FOXO1: variants seen among roughly 807,000 people sequenced by gnomAD.
FOXO1 encodes the protein forkhead box protein O1.
FOXO1 carries 6 observed loss-of-function variants against 44.1 expected under a neutral mutation model. That is an observed-to-expected ratio of 0.14 (90% confidence interval 0.07 to 0.27). The LOEUF is 0.27. FOXO1 is among the 10% of genes least tolerant of loss of function. FOXO1 has a pLI of 1.00. For synonymous variants in FOXO1, 380 were observed against 362.7 expected (o/e 1.05, Z -0.54); for missense variants, 737 against 888.8 (o/e 0.83, Z 2.17).
intron 1 of FOXO1, among the ~76,000 whole-genome samples, chr13:40,613,561 T>C (rs1876311341): frequency 6.6e-6 from 1 of 152,196 alleles, no homozygotes; most frequent in Admixed American, 6.5e-5. Context: ...ATCTAGATGG[T>C]AGTTTCTCTG....
At chr13:40,623,926 A>C (rs545879224) in intron 1 of FOXO1, among the ~76,000 whole-genome samples, 4 of 138,688 alleles carry the variant, frequency 2.9e-5, no homozygotes, top group African/African-American at 1.1e-4. Context: ...TCTCTTAAAA[A>C]AAAAAAAAAA....
rs138884600 is a variant in FOXO1, at chr13:40,557,601, G to A, written c.*1448C>T. 3 of 152,316 alleles carry A rather than the reference G, an allele frequency of 2.0e-5. No homozygotes were observed. Among genetic ancestry groups the A allele is most frequent in the African/African-American group, 7.2e-5 (3 of 41,560 alleles). The allele number at this position is 152,316 out of a possible 1,614,324, so 9.4% of individuals were successfully genotyped here. A position where few individuals can be genotyped will look rare whatever the true frequency, so the allele number is the denominator to read the frequency against. On this transcript the variant is annotated 3_prime_UTR_variant, in exon 3 of 3. Coordinates refer to ENST00000379561, the MANE Select transcript of FOXO1 (RefSeq NM_002015.4). ...CCTTCCACTTAAACTTCCACAGTGT[G>A]CTAAGTAATCTAATCTGCAGGGCAG...
intron 1 of FOXO1, among the ~76,000 whole-genome samples, chr13:40,623,269 T>C (rs1287961372): frequency 6.6e-6 from 1 of 152,212 alleles, no homozygotes; most frequent in Non-Finnish European, 1.5e-5. Flanking sequence ...ACACAGGCTT[T>C]TTTTTTCCAA....
At chr13:40,635,852 A>AC (rs1309162674) in intron 1 of FOXO1, among the ~76,000 whole-genome samples, 1 of 152,142 alleles carries the variant, frequency 6.6e-6, no homozygotes, top group Admixed American at 6.5e-5. Context: ...GCTGTACTCT[A>AC]CCTGCTGCCC....
intron 1 of FOXO1, among the ~76,000 whole-genome samples, chr13:40,585,778 A>C: frequency 6.6e-6 from 1 of 152,148 alleles, no homozygotes; most frequent in Non-Finnish European, 1.5e-5. Flanking sequence ...ACAAAAGCTA[A>C]ACGACAAGAT....
chr13:40,602,271 G>A (rs1321587705), intron 1 of FOXO1, among the ~76,000 whole-genome samples: 1 of 152,236 alleles, frequency 6.6e-6, no homozygotes, highest in East Asian at 1.9e-4. Context: ...ATCTAAACAT[G>A]TTCTATGGCA....
rs186400403 is a variant in FOXO1 at position 40,620,353 on chromosome 13, G to A, written c.630+45230C>T. 1,559 of 737,644 alleles carry A rather than the reference G, an allele frequency of 2.1e-3. 5 individuals are homozygous for A. Among genetic ancestry groups the A allele is most frequent in the Middle Eastern group, 0.019 (79 of 4,060 alleles). 45.7% of individuals were successfully genotyped at this position (737,644 alleles called of 1,614,324 possible). On this transcript the variant is annotated intron_variant, in intron 1 of 2. Transcript: ENST00000379561. Reference sequence around the variant, plus strand: ...CAAAGCAATAGTGGGGGCTTCTGCCGAATCATTTCTCGTTTAGAGCGGTCA... The same window carrying A: ...CAAAGCAATAGTGGGGGCTTCTGCCAAATCATTTCTCGTTTAGAGCGGTCA...
At chr13:40,645,459 C>T (rs138727744) in intron 1 of FOXO1, among the ~76,000 whole-genome samples, 1 of 152,256 alleles carries the variant, frequency 6.6e-6, no homozygotes, top group African/African-American at 2.4e-5. Flanking sequence ...ATCATGTTCA[C>T]GCCCAGGGTG....
chr13:40,581,893 C>T (rs1402478337), intron 1 of FOXO1, among the ~76,000 whole-genome samples: 1 of 152,200 alleles, frequency 6.6e-6, no homozygotes, highest in Non-Finnish European at 1.5e-5. Context: ...TGGACCCCAT[C>T]TATCAGCACA....
Position 40,577,445 on chromosome 13 carries a change from T to A in FOXO1, c.631-16585A>T, listed in dbSNP as rs574514308. Among the ~76,000 whole-genome samples the A allele has an allele frequency of 1.2e-3, 182 of 152,284 alleles. 2 individuals carry two copies. Among genetic ancestry groups the A allele is most frequent in the Non-Finnish European group, 1.3e-4 (9 of 68,024 alleles). ...TAAGACAGGGTCTAAAACTCACAGT[T>A]ACTAGCAAACAAAGAAACCTTAGCA... On this transcript the variant is annotated intron_variant, in intron 1 of 2. Transcript: ENST00000379561.
Position 40,665,836 on chromosome 13 carries a change from G to C in FOXO1, c.377C>G (p.Pro126Arg). Residue 126 changes from proline (P) to arginine (R), a missense_variant, in exon 1 of 3, where the codon CCG (proline) becomes CGG (arginine). Physicochemically the swap from Pro to Arg is moderately radical, Grantham distance 103. Transcript: ENST00000379561. ...GTGCTGCGACAGCGGCCCGGGCGGCGGGGGCTGCGGTGGCGCTGGGTGCAG... is the reference window on the plus strand; with the variant it reads ...GTGCTGCGACAGCGGCCCGGGCGGCCGGGGCTGCGGTGGCGCTGGGTGCAG... ...GCLHPAPPQPPPPGPLSQHPP... is the reference protein window; with the variant it reads ...GCLHPAPPQPRPPGPLSQHPP... The C allele has an allele frequency of 8.7e-7, 1 of 1,148,736 alleles. No homozygotes were observed. The highest frequency in any genetic ancestry group is 1.1e-6 in the Non-Finnish European group (1 of 934,174). 71.2% of individuals were successfully genotyped at this position (1,148,736 alleles called of 1,614,324 possible).
At chr13:40,625,789 G>C (rs908931633) in intron 1 of FOXO1, among the ~76,000 whole-genome samples, 7 of 152,110 alleles carry the variant, frequency 4.6e-5, no homozygotes, top group African/African-American at 1.4e-4. Context: ...CATATGATAG[G>C]TAATGACTTT....
chr13:40,654,701 C>T (rs1424687771), intron 1 of FOXO1, among the ~76,000 whole-genome samples: 4 of 152,042 alleles, frequency 2.6e-5, no homozygotes, highest in African/African-American at 9.7e-5. Context: ...TACAGTGGGG[C>T]TTACTGGAGA....
Position 40,559,660 on chromosome 13 carries a change from C to T in FOXO1, c.1831G>A (p.Asp611Asn), listed in dbSNP as rs1289593375. 6.2e-7 allele frequency: 1 copy of T among 1,614,226 alleles called. No homozygotes were observed. Among genetic ancestry groups the T allele is most frequent in the South Asian group, 1.1e-5 (1 of 91,076 alleles). The change falls in exon 2 of 3, where the codon GAC (aspartate) becomes AAC (asparagine). Residue 611 changes from aspartate to asparagine, a missense_variant. Physicochemically the swap from Asp to Asn is conservative, Grantham distance 23. Around this residue, in one of 7 missense-constraint regions of FOXO1, gnomAD observed 45 missense variants for 78.3 expected, o/e 0.57. Coordinates refer to ENST00000379561, the MANE Select transcript of FOXO1 (RefSeq NM_002015.4). ...CGAATGATGGATTCCATGTCACAGTCTAAGCGCTCAATGAACATGCCATCC... is the reference window on the plus strand; with the variant it reads ...CGAATGATGGATTCCATGTCACAGTTTAAGCGCTCAATGAACATGCCATCC... ...DLDGMFIERLDCDMESIIRND... is the reference protein window; with the variant it reads ...DLDGMFIERLNCDMESIIRND...
intron 1 of FOXO1, among the ~76,000 whole-genome samples, chr13:40,661,332 G>C (rs1291679642): frequency 6.6e-6 from 1 of 151,758 alleles, no homozygotes; most frequent in South Asian, 2.1e-4. Context: ...TTGGAGGTCA[G>C]TGACGTGATC....
chr13:40,639,029 A>G (rs563482092), intron 1 of FOXO1, among the ~76,000 whole-genome samples: 1 of 152,294 alleles, frequency 6.6e-6, no homozygotes, highest in East Asian at 1.9e-4. Flanking sequence ...CCCCGTCTCT[A>G]CTAAAAATAC....
intron 1 of FOXO1, among the ~76,000 whole-genome samples, chr13:40,589,384 T>C (rs888379456): frequency 1.3e-5 from 2 of 152,218 alleles, no homozygotes; most frequent in Non-Finnish European, 2.9e-5. Context: ...GTCTGTATTA[T>C]TTATAGAAAC....
intron 1 of FOXO1, among the ~76,000 whole-genome samples, chr13:40,632,651 A>G (rs967693377): frequency 2.0e-5 from 3 of 150,912 alleles, no homozygotes; most frequent in African/African-American, 7.3e-5. Context: ...AAAAGAAAAG[A>G]AAAAAAAAGA....
intron 1 of FOXO1, among the ~76,000 whole-genome samples, chr13:40,597,705 C>G (rs181974859): frequency 2.0e-5 from 3 of 152,184 alleles, no homozygotes; most frequent in African/African-American, 7.2e-5. Context: ...AGCCTTGGAA[C>G]GCTGCTGACT....
Sources: gnomAD v4.1 joint callset for allele counts (sites outside exome capture counted in the v4.1 genomes callset) on GRCh38, gnomAD v4.1.1 for gene constraint, gnomAD v4.1.1 regional missense constraint, MANE v1.5 for transcripts, NCBI Gene and HGNC (gene_info 2026-07-23, HGNC 2026-07-21) for gene names.